ZNF799: variants seen among roughly 807,000 people sequenced by gnomAD.
ZNF799 encodes the protein zinc finger protein 799.
ZNF799 carries 28 observed loss-of-function variants against 41.0 expected under a neutral mutation model. The observed-to-expected ratio is 0.68, with a 90% CI of 0.51 to 0.94. The LOEUF (loss-of-function observed/expected upper bound fraction) is 0.94, where lower values mean the gene tolerates loss of function less well. Among genes scored for constraint, ZNF799 ranks in the 40% least tolerant of loss-of-function variants. ZNF799 has a pLI of 0.00. For missense variants in ZNF799, 716 were observed against 764.3 expected (o/e 0.94, Z 0.74); for synonymous variants, 213 against 252.9 (o/e 0.84, Z 1.50).
At chr19:12,406,794 G>A in the ZNF799 span, among the ~76,000 whole-genome samples, 1 of 151,994 alleles carries the variant, frequency 6.6e-6, no homozygotes, top group Non-Finnish European at 1.5e-5. Context: ...CAGCTACTGG[G>A]GAGGCTGAGG....
In ZNF799 at chr19:12,390,639, G is replaced by T; in HGVS notation, c.1759C>A (p.Pro587Thr). The change falls in exon 4 of 4, where the codon CCG becomes ACG. Residue 587 changes from proline to threonine, a missense_variant. Pro to Thr is a conservative substitution (Grantham distance 38). This residue lies in a region of ZNF799 where 698 missense variants were observed against 713.6 expected (regional missense o/e 0.98). Transcript: ENST00000430385. ...TTCCCACATTCCTTACATTCATACG[G>T]GTTCTCTCCAGTATGAGTTTTTTCA... is the stretch of plus-strand genomic sequence containing the variant. ...GHEKTHTGEN[P>T]YECKECGKAF... The T allele has an allele frequency of 4.3e-6, 7 of 1,613,910 alleles. No individual in the cohort carries two copies. Among genetic ancestry groups the T allele is most frequent in the Non-Finnish European group, 5.9e-6 (7 of 1,179,880 alleles).
At chr19:12,397,564 C>CAAAAAA (rs1163640631) in intron 1 of ZNF799, among the ~76,000 whole-genome samples, 1 of 65,518 alleles carries the variant, frequency 1.5e-5, no homozygotes. Context: ...GACCCTGTCT[C>CAAAAAA]AAAAAAAAAA....
Position 12,391,018 on chromosome 19 carries a change from G to A in ZNF799, c.1380C>T (p.Phe460=). ...TTGTTTTGTGATTTTGAAAGGAATA[G>A]AAATCAATAAAGGCTTTCCCACATT... is the stretch of plus-strand genomic sequence containing the variant. ...KCKCGKAFID[F]YSFQNHKTTH... Residue 460 remains phenylalanine (F), a synonymous_variant, in exon 4 of 4, where the codon TTC becomes TTT. Coordinates refer to ENST00000430385, the MANE Select transcript of ZNF799 (RefSeq NM_001080821.3). The A allele has an allele frequency of 6.2e-7, 1 of 1,614,152 alleles. No individual in the cohort carries two copies. Among genetic ancestry groups the A allele is most frequent in the Non-Finnish European group, 8.5e-7 (1 of 1,180,016 alleles).
chr19:12,390,953 C>G lies in ZNF799; in HGVS notation c.1445G>C (p.Gly482Ala), dbSNP rs1400258982. 6.2e-7 allele frequency: 1 copy of G among 1,614,112 alleles called. No homozygotes were observed. The highest frequency in any genetic ancestry group is 8.5e-7 in the Non-Finnish European group (1 of 1,179,994). ...GTATTGGAAACAACTGAATGCTTTC[C>G]CACATTCCTTACACTCATATGGCTT... ...GEKPYECKECGKAFSCFQYLS... is the reference protein window; with the variant it reads ...GEKPYECKECAKAFSCFQYLS... The change falls in exon 4 of 4, where the codon GGG (glycine) becomes GCG (alanine). Residue 482 changes from glycine (G) to alanine (A), a missense_variant. This residue lies in a region of ZNF799 where 698 missense variants were observed against 713.6 expected (regional missense o/e 0.98). Transcript: ENST00000430385.
chr19:12,392,598 A>G lies in ZNF799; in HGVS notation c.191+5T>C, dbSNP rs779792477. On this transcript the variant is annotated splice_donor_5th_base_variant and intron_variant, in intron 3 of 3. Transcript: ENST00000430385. Reference sequence around the variant, plus strand: ...ACATATCTTTCTCTTGTGAGTATAAATTACCTTAGATTTTTCCTGGGATAT... The same window carrying G: ...ACATATCTTTCTCTTGTGAGTATAAGTTACCTTAGATTTTTCCTGGGATAT... 8 of 1,587,362 alleles carry G rather than the reference A, an allele frequency of 5.0e-6. No homozygotes were observed. Among genetic ancestry groups the G allele is most frequent in the Admixed American group, 3.4e-5 (2 of 59,284 alleles).
Position 12,390,041 on chromosome 19 carries a change from A to C in ZNF799, c.*425T>G, listed in dbSNP as rs1321238088. On this transcript the variant is annotated 3_prime_UTR_variant, in exon 4 of 4. Transcript: ENST00000430385. ...TGAGAGTTGAAACAAAGAAACTTTA[A>C]TGTTCTGGCTGACTATACTATGTTG... 4.8e-6 allele frequency: 1 copy of C among 209,034 alleles called. No individual in the cohort carries two copies. Among genetic ancestry groups the C allele is most frequent in the Non-Finnish European group, 9.7e-6 (1 of 103,520 alleles). The allele number at this position is 209,034 out of a possible 1,614,324, so 12.9% of individuals were successfully genotyped here. A position where few individuals can be genotyped will look rare whatever the true frequency, so the allele number is the denominator to read the frequency against.
chr19:12,400,918 C>A, intron 1 of ZNF799, 150 bp downstream of exon 1: 1 of 1,432,778 alleles, frequency 7.0e-7, no homozygotes, highest in East Asian at 2.3e-5. Flanking sequence ...CCAGCCCCAC[C>A]CTGCGGCCGA....
At chr19:12,402,549 T>A (rs1489940374), upstream of ZNF799, among the ~76,000 whole-genome samples, 6 of 152,126 alleles carry the variant, frequency 3.9e-5, no homozygotes, top group Non-Finnish European at 8.8e-5. Flanking sequence ...TCCTCATTCA[T>A]TATCATGCTA....
At chr19:12,411,230 G>A in the ZNF799 span, among the ~76,000 whole-genome samples, 1 of 152,150 alleles carries the variant, frequency 6.6e-6, no homozygotes, top group African/African-American at 2.4e-5. Context: ...TTTGAGAAAT[G>A]TTTGTTGTTT....
chr19:12,404,204 G>GA (rs1293901684), upstream of ZNF799, among the ~76,000 whole-genome samples: 9 of 152,184 alleles, frequency 5.9e-5, no homozygotes, highest in Admixed American at 4.6e-4. Context: ...ATGTGCTCGG[G>GA]AAAAATATGT....
upstream of ZNF799, among the ~76,000 whole-genome samples, chr19:12,401,581 AGAG>A (rs1969988545): frequency 9.1e-6 from 1 of 109,682 alleles, no homozygotes; most frequent in Admixed American, 1.4e-4. Context: ...AGAGAGAGAG[AGAG>A]AGAGAGAGAG....
At chr19:12,406,449 A>G in the ZNF799 span, among the ~76,000 whole-genome samples, 3 of 150,366 alleles carry the variant, frequency 2.0e-5, no homozygotes. Flanking sequence ...GCGCCACTGG[A>G]CTCCAGCCTG....
At chr19:12,403,665 G>T (rs10426836), upstream of ZNF799, among the ~76,000 whole-genome samples, 3,600 of 151,794 alleles carry the variant, frequency 0.024, 147 homozygotes, top group African/African-American at 0.082. Flanking sequence ...CAATTCTCCT[G>T]CCTCAGCCTC....
chr19:12,391,071 G>C lies in ZNF799; in HGVS notation c.1327C>G (p.His443Asp), dbSNP rs752930102. 2.6e-4 allele frequency: 427 copies of C among 1,614,168 alleles called. 3 individuals carry two copies. The South Asian group carries it at 4.4e-3, about 17-fold the overall frequency. ...SSSLRRHETTHTGEKPYKCKC... is the reference protein window; with the variant it reads ...SSSLRRHETTDTGEKPYKCKC... Reference sequence around the variant, plus strand: ...CATTTATAGGGTTTCTCTCCAGTATGAGTTGTTTCATGCCTTCGAAGAGAA... The same window carrying C: ...CATTTATAGGGTTTCTCTCCAGTATCAGTTGTTTCATGCCTTCGAAGAGAA... Residue 443 changes from histidine (H) to aspartate (D), a missense_variant, in exon 4 of 4, where the codon CAT (histidine) becomes GAT (aspartate). Around this residue, in one of 2 missense-constraint regions of ZNF799, gnomAD observed 698 missense variants for 713.6 expected, o/e 0.98. Transcript: ENST00000430385.
chr19:12,414,763 C>T, the ZNF799 span, among the ~76,000 whole-genome samples: 1 of 152,200 alleles, frequency 6.6e-6, no homozygotes, highest in East Asian at 1.9e-4. Context: ...CAGCAGCCTG[C>T]TGAACCCACA....
At chr19:12,409,545 G>A in the ZNF799 span, among the ~76,000 whole-genome samples, 1 of 152,118 alleles carries the variant, frequency 6.6e-6, no homozygotes, top group Non-Finnish European at 1.5e-5. Flanking sequence ...TTAATCAACT[G>A]GATTTAATTC....
upstream of ZNF799, among the ~76,000 whole-genome samples, chr19:12,405,652 C>G (rs1390765279): frequency 1.3e-5 from 2 of 152,172 alleles, no homozygotes; most frequent in Non-Finnish European, 2.9e-5. Flanking sequence ...GAATAGACAT[C>G]AGTGTCTACA....
At chr19:12,402,770 C>G (rs953157864), upstream of ZNF799, among the ~76,000 whole-genome samples, 4 of 152,068 alleles carry the variant, frequency 2.6e-5, no homozygotes, top group South Asian at 2.1e-4. Flanking sequence ...ATCCTTGCAT[C>G]CCAGGGATAA....
Position 12,391,267 on chromosome 19 carries a change from G to A in ZNF799, c.1131C>T (p.Ser377=). Residue 377 remains serine (S), a synonymous_variant, in exon 4 of 4, where the codon AGC becomes AGT. Transcript: ENST00000430385. ...TTGTCATGTGTCTTCGAAAGCTTGA[G>A]CTATGAGATAACGCTTTCCCACACT... is the stretch of plus-strand genomic sequence containing the variant. ...CKQCGKALSH[S]SSFRRHMTMH... 1 of 1,614,112 alleles carries A rather than the reference G, an allele frequency of 6.2e-7. No individual in the cohort carries two copies. Among genetic ancestry groups the A allele is most frequent in the Non-Finnish European group, 8.5e-7 (1 of 1,180,000 alleles).
Sources: gnomAD v4.1 joint callset for allele counts (sites outside exome capture counted in the v4.1 genomes callset) on GRCh38, gnomAD v4.1.1 for gene constraint, gnomAD v4.1.1 regional missense constraint, MANE v1.5 for transcripts, NCBI Gene and HGNC (gene_info 2026-07-23, HGNC 2026-07-21) for gene names.